The following PIAS3 variants were observed in gnomAD, a reference collection of about 807,000 sequenced individuals.
The protein encoded by PIAS3 is E3 SUMO-protein ligase PIAS3.
Under a neutral mutation model 67.6 loss-of-function variants are expected in PIAS3, and 34 were observed. The observed-to-expected ratio is 0.50, with a 90% confidence interval of 0.38 to 0.67. The LOEUF is 0.67. Ranked by LOEUF, PIAS3 falls within the 30% of genes least tolerant of loss-of-function variation. The probability of loss-of-function intolerance (pLI) is 0.00; values close to 1 mark genes in which losing one functional copy is unlikely to be tolerated. For synonymous variants in PIAS3, 341 were observed against 313.8 expected, an observed-to-expected ratio of 1.09 and a Z score of -0.92; for missense variants, 693 against 791.6, an observed-to-expected ratio of 0.88 and a Z score of 1.49.
chr1:145,850,173 TC>T (rs1652899342), intron 13 of PIAS3, 58 bp downstream of exon 13: 1 of 1,612,088 alleles, frequency 6.2e-7, no homozygotes, highest in Non-Finnish European at 8.5e-7. Context: ...AGGGGCCCCA[TC>T]AGTGTCTAGA....
At chr1:145,857,148 T>C in intron 1 of PIAS3, 142 bp from the exon 2 acceptor site, 1 of 741,944 alleles carries the variant, frequency 1.3e-6, no homozygotes, top group African/African-American at 1.8e-5. Context: ...AGTGGATTAC[T>C]GCCAGGTAGT....
Position 145,854,809 on chromosome 1 carries a change from C to A in PIAS3, c.741G>T (p.Leu247=). The change falls in exon 6 of 14, where the codon CTG becomes CTT. Residue 247 remains leucine (L), a synonymous_variant. Coordinates refer to ENST00000393045, the MANE Select transcript of PIAS3 (RefSeq NM_006099.3). ...TGGGAACAGTGGCTGAGAGTCGAGC[C>A]AGGGGTGTGATGTTGATGGGGCGGC... ...RPSRPINITP[L]ARLSATVPNT... is the part of the protein sequence containing the mutation. 1 of 1,614,156 alleles carries A rather than the reference C, an allele frequency of 6.2e-7. No homozygotes were observed. Among genetic ancestry groups the A allele is most frequent in the Non-Finnish European group, 8.5e-7 (1 of 1,180,026 alleles).
intron 9 of PIAS3, among the ~76,000 whole-genome samples, chr1:145,852,539 G>C (rs1421693338): frequency 6.6e-6 from 1 of 151,770 alleles, no homozygotes; most frequent in Admixed American, 6.6e-5. Context: ...CTATCTCATA[G>C]GGTTTTTTTT....
rs373049497 is a variant in PIAS3, at chr1:145,850,916, C to G, written c.1303G>C (p.Gly435Arg). The change falls in exon 11 of 14, where the codon GGG becomes CGG. Residue 435 changes from glycine (G) to arginine (R), a missense_variant. Gly to Arg is a moderately radical substitution (Grantham distance 125). This residue lies in a region of PIAS3 where 270 missense variants were observed against 261.0 expected (regional missense o/e 1.03). Coordinates refer to ENST00000393045, the MANE Select transcript of PIAS3 (RefSeq NM_006099.3). ...LDGLQYSPVQ[G>R]GDPSENKKKV... ...TTCTTATTCTCTGATGGATCTCCCC[C>G]CTGGACTGGGCTGTACTGGAGGCCT... 24 of 1,614,056 alleles carry G rather than the reference C, an allele frequency of 1.5e-5. No homozygotes were observed. Among genetic ancestry groups the G allele is most frequent in the Admixed American group, 3.3e-5 (2 of 59,980 alleles).
At chr1:145,853,433 A>T in intron 9 of PIAS3, 71 bp downstream of exon 9, 1 of 1,256,668 alleles carries the variant, frequency 8.0e-7, no homozygotes, top group Non-Finnish European at 1.1e-6. Context: ...AGAAAAGAAA[A>T]AGAAAAAGAA....
chr1:145,854,137 T>C (rs1653067021), intron 7 of PIAS3: 4 of 594,044 alleles, frequency 6.7e-6, no homozygotes, highest in Non-Finnish European at 9.0e-6. Flanking sequence ...TCTGGAGGAG[T>C]TGAAGCATCA....
chr1:145,857,656 A>T (rs1553735906), intron 1 of PIAS3, among the ~76,000 whole-genome samples: 1 of 152,162 alleles, frequency 6.6e-6, no homozygotes, highest in East Asian at 1.9e-4. Context: ...AATCGTTTAT[A>T]TAACCACCCC....
intron 4 of PIAS3, 93 bp from the exon 5 acceptor site, chr1:145,855,919 G>C: frequency 9.5e-7 from 1 of 1,048,236 alleles, no homozygotes; most frequent in East Asian, 2.4e-5. Flanking sequence ...ATCAGTCATA[G>C]ATGCCTGAAG....
chr1:145,853,623 G>A lies in PIAS3; in HGVS notation c.1026C>T (p.Thr342=), dbSNP rs1553734836. ...MRLTVPCRAL[T]CAHLQSFDAA... ...CATCGAAGCTCTGCAGGTGGGCGCAGGTGAGGGCACGACAAGGGACAGTCA... is the reference window on the plus strand; with the variant it reads ...CATCGAAGCTCTGCAGGTGGGCGCAAGTGAGGGCACGACAAGGGACAGTCA... Residue 342 remains threonine, a synonymous_variant, in exon 9 of 14, where the codon ACC becomes ACT. Coordinates refer to ENST00000393045, the MANE Select transcript of PIAS3 (RefSeq NM_006099.3). The A allele has an allele frequency of 6.2e-7, 1 of 1,614,074 alleles. No homozygotes were observed.
rs1553735528 is a variant in PIAS3, at chr1:145,856,081, G to C, written c.565C>G (p.Gln189Glu). The change falls in exon 4 of 14, where the codon CAG (glutamine) becomes GAG (glutamate). Residue 189 changes from glutamine (Q) to glutamate (E), a missense_variant. Physicochemically the swap from Gln to Glu is conservative, Grantham distance 29. This residue lies in a region of PIAS3 where 308 missense variants were observed against 348.8 expected (regional missense o/e 0.88). Transcript: ENST00000393045. ...GGATGAACTCACCTTAGCTGCACCT[G>C]TATGGTATAATCACATTTGGCTCCT... is the stretch of plus-strand genomic sequence containing the variant. ...LPGAKCDYTI[Q>E]VQLRFCLCET... is the part of the protein sequence containing the mutation. 1 of 1,613,884 alleles carries C rather than the reference G, an allele frequency of 6.2e-7. No individual in the cohort carries two copies. The highest frequency in any genetic ancestry group is 1.1e-5 in the South Asian group (1 of 91,072).
Position 145,848,671 on chromosome 1 carries a change from GC to G in PIAS3, c.*774del. ...GGTCCTTCCACCTCCCTGGAAAGGT[GC>G]AGAATGAGCCAGGCCTAACTACAGG... On this transcript the variant is annotated 3_prime_UTR_variant, in exon 14 of 14. Coordinates refer to ENST00000393045, the MANE Select transcript of PIAS3 (RefSeq NM_006099.3). 1.7e-6 allele frequency: 1 copy of G among 574,602 alleles called. No homozygotes were observed. Among genetic ancestry groups the G allele is most frequent in the Non-Finnish European group, 3.1e-6 (1 of 324,148 alleles). 35.6% of individuals were successfully genotyped at this position (574,602 alleles called of 1,614,324 possible).
chr1:145,858,589 C>T (rs1653287398), intron 1 of PIAS3, among the ~76,000 whole-genome samples: 1 of 151,868 alleles, frequency 6.6e-6, no homozygotes, highest in Admixed American at 6.6e-5. Flanking sequence ...CCTGCATGTG[C>T]CCCCTACTGT....
At position 145,848,724 on chromosome 1, in the gene PIAS3, G is replaced by T; in HGVS notation, c.*722C>A. 6.7e-6 allele frequency: 3 copies of T among 449,602 alleles called. No individual in the cohort carries two copies. In the South Asian group the frequency reaches 1.1e-4, roughly 16 times the overall value. The allele number at this position is 449,602 out of a possible 1,614,324, so 27.9% of individuals were successfully genotyped here. ...CCATGAGCCTCTAGAAGCTTAGGGG[G>T]GAATAAGAAACACTGTGAACTTAGA... On this transcript the variant is annotated 3_prime_UTR_variant, in exon 14 of 14. Transcript: ENST00000393045.
chr1:145,850,532 G>T lies in PIAS3; in HGVS notation c.1503C>A (p.Gly501=), dbSNP rs368469717. ...PSSVLRSPAM[G]TLGGDFLSSL... ...TGGACAGGAAATCCCCACCCAACGT[G>T]CCCATAGCAGGGCTCCTTAGCACCG... The change falls in exon 12 of 14, where the codon GGC becomes GGA. Residue 501 remains glycine, a synonymous_variant. Transcript: ENST00000393045. 7 of 1,614,076 alleles carry T rather than the reference G, an allele frequency of 4.3e-6. No individual in the cohort carries two copies. Among genetic ancestry groups the T allele is most frequent in the African/African-American group, 1.3e-5 (1 of 74,936 alleles).
intron 9 of PIAS3, 188 bp from the exon 10 acceptor site, chr1:145,851,341 T>G (rs1652956501): frequency 1.6e-6 from 1 of 643,384 alleles, no homozygotes. Context: ...CTTTGCAAAG[T>G]AAGTAATAGG....
chr1:145,853,010 C>G (rs1056122083), intron 9 of PIAS3, among the ~76,000 whole-genome samples: 2 of 152,124 alleles, frequency 1.3e-5, no homozygotes, highest in African/African-American at 4.8e-5. Context: ...CACACACACA[C>G]ACAGACTGGT....
chr1:145,859,039 G>A lies in PIAS3; in HGVS notation c.-49C>T. On this transcript the variant is annotated 5_prime_UTR_variant, in exon 1 of 14. Coordinates refer to ENST00000393045, the MANE Select transcript of PIAS3 (RefSeq NM_006099.3). ...GCCGGAGCCGGAGCTCAGGCCCAGG[G>A]ACCGGCGCACAACTCTCCACCCTGG... 1 of 1,533,116 alleles carries A rather than the reference G, an allele frequency of 6.5e-7. No homozygotes were observed. Among genetic ancestry groups the A allele is most frequent in the African/African-American group, 1.4e-5 (1 of 71,182 alleles). 95.0% of individuals were successfully genotyped at this position (1,533,116 alleles called of 1,614,324 possible).
Position 145,849,686 on chromosome 1 carries a change from T to C in PIAS3, c.1647A>G (p.Ser549=). The C allele has an allele frequency of 6.2e-7, 1 of 1,609,530 alleles. No homozygotes were observed. Among genetic ancestry groups the C allele is most frequent in the Non-Finnish European group, 8.5e-7 (1 of 1,177,910 alleles). Residue 549 remains serine (S), a synonymous_variant, in exon 14 of 14, where the codon TCA becomes TCG. Coordinates refer to ENST00000393045, the MANE Select transcript of PIAS3 (RefSeq NM_006099.3). ...GGCCAAGGGCATCCTGTTCATCTAG[T>C]GAGGTGATGACAGAGGGGCCATAGT... ...SQHYGPSVIT[S]LDEQDALGHF...
chr1:145,853,747 T>G, intron 8 of PIAS3, 66 bp downstream of exon 8: 8 of 1,606,162 alleles, frequency 5.0e-6, no homozygotes, highest in Non-Finnish European at 6.8e-6. Flanking sequence ...CTAGGAACCC[T>G]CATCAAAGTC....
Sources: gnomAD v4.1 joint callset for allele counts (sites outside exome capture counted in the v4.1 genomes callset) on GRCh38, gnomAD v4.1.1 for gene constraint, gnomAD v4.1.1 regional missense constraint, MANE v1.5 for transcripts, NCBI Gene and HGNC (gene_info 2026-07-23, HGNC 2026-07-21) for gene names.